The following LIMA1 variants were observed in gnomAD, a reference collection of about 807,000 sequenced individuals.
LIMA1 encodes the protein LIM domain and actin binding 1.
Under a neutral mutation model 62.6 loss-of-function variants are expected in LIMA1, and 52 were observed. The observed-to-expected ratio is 0.83, with a 90% CI of 0.67 to 1.05. The LOEUF is 1.05. LIMA1 is among the 50% of genes least tolerant of loss of function. LIMA1 has a pLI of 0.00. For synonymous variants in LIMA1, 302 were observed against 317.8 expected, an observed-to-expected ratio of 0.95 and a Z score of 0.53; for missense variants, 780 against 902.2, an observed-to-expected ratio of 0.86 and a Z score of 1.74.
intron 10 of LIMA1, among the ~76,000 whole-genome samples, chr12:50,180,830 A>G (rs534302800): frequency 5.9e-5 from 9 of 152,050 alleles, no homozygotes; most frequent in African/African-American, 2.2e-4. Context: ...AAGGTGCTTT[A>G]AGCCAGGCAC....
Position 50,212,824 on chromosome 12 carries a change from AT to A in LIMA1, c.631-6757del, listed in dbSNP as rs955807616. On this transcript the variant is annotated intron_variant, in intron 4 of 10. Transcript: ENST00000341247. Reference sequence around the variant, plus strand: ...TTATATCTTTTTAATTTTATTTTTTATTTTTTTTGAGACAAAGTCTTGCTCT... The same window carrying A: ...TTATATCTTTTTAATTTTATTTTTTATTTTTTTGAGACAAAGTCTTGCTCT... 2.0e-5 allele frequency among the ~76,000 whole-genome samples: 3 copies of A among 151,488 alleles called. No homozygotes were observed. In the East Asian group the frequency reaches 5.9e-4, roughly 30 times the overall value.
At chr12:50,208,252 G>A (rs1279357493) in intron 4 of LIMA1, among the ~76,000 whole-genome samples, 13 of 152,288 alleles carry the variant, frequency 8.5e-5, no homozygotes, top group Admixed American at 2.6e-4. Context: ...TTGGGAGGCC[G>A]AGGCAGAAGG....
Position 50,186,552 on chromosome 12 carries a change from G to A in LIMA1, c.1141-4515C>T, listed in dbSNP as rs1940634833. 3.9e-5 allele frequency: 6 copies of A among 152,520 alleles called. No homozygotes were observed. The South Asian group carries it at 1.2e-3, about 32-fold the overall frequency. The allele number at this position is 152,520 out of a possible 1,614,324, so 9.4% of individuals were successfully genotyped here. A position where few individuals can be genotyped will look rare whatever the true frequency, so the allele number is the denominator to read the frequency against. On this transcript the variant is annotated intron_variant, in intron 9 of 10. Transcript: ENST00000341247. ...CCCTCATAAAGGGGTAGTGCCCAGAGCATAGACAACCCCTCATAAAGATGC... is the reference window on the plus strand; with the variant it reads ...CCCTCATAAAGGGGTAGTGCCCAGAACATAGACAACCCCTCATAAAGATGC...
At chr12:50,200,174 C>T (rs1440649871) in intron 7 of LIMA1, among the ~76,000 whole-genome samples, 2 of 152,012 alleles carry the variant, frequency 1.3e-5, no homozygotes, top group African/African-American at 4.8e-5. Flanking sequence ...GGATTACAGG[C>T]GTGAGCCACC....
At chr12:50,240,779 T>C (rs1941767106) in intron 2 of LIMA1, among the ~76,000 whole-genome samples, 1 of 152,148 alleles carries the variant, frequency 6.6e-6, no homozygotes, top group African/African-American at 2.4e-5. Flanking sequence ...TGCGTGCCCA[T>C]GGATGGTATT....
At chr12:50,253,984 T>C (rs556844033) in intron 1 of LIMA1, among the ~76,000 whole-genome samples, 2 of 139,538 alleles carry the variant, frequency 1.4e-5, no homozygotes, top group Admixed American at 7.9e-5. Context: ...GTCGAGATCA[T>C]GCCATTGCAC....
chr12:50,181,620 G>C (rs1298322999), intron 10 of LIMA1, among the ~76,000 whole-genome samples: 1 of 152,088 alleles, frequency 6.6e-6, no homozygotes, highest in Non-Finnish European at 1.5e-5. Flanking sequence ...GATACCAAGG[G>C]AAAACATTCT....
chr12:50,229,693 T>C (rs1024672439), intron 3 of LIMA1: 2 of 152,088 alleles, frequency 1.3e-5, no homozygotes, highest in South Asian at 4.2e-4. Context: ...TAAAGTATAA[T>C]AATAAAAAAA....
intron 8 of LIMA1, among the ~76,000 whole-genome samples, chr12:50,193,723 G>A (rs1156921575): frequency 7.6e-5 from 10 of 130,940 alleles, no homozygotes; most frequent in Non-Finnish European, 1.4e-4. Flanking sequence ...GGAGTGCAGT[G>A]GCATGATCTC....
At chr12:50,248,502 T>C in intron 2 of LIMA1, 131 bp downstream of exon 2, 2 of 682,494 alleles carry the variant, frequency 2.9e-6, no homozygotes, top group East Asian at 2.5e-5. Context: ...CAGTACCTCA[T>C]ATAGTGTTTA....
chr12:50,197,468 TG>T (rs1940956044), intron 7 of LIMA1, among the ~76,000 whole-genome samples: 1 of 152,166 alleles, frequency 6.6e-6, no homozygotes, highest in African/African-American at 2.4e-5. Flanking sequence ...GCTAAGGGTC[TG>T]AAAAACATTG....
intron 1 of LIMA1, among the ~76,000 whole-genome samples, chr12:50,263,844 A>G (rs973417606): frequency 3.9e-5 from 4 of 102,100 alleles, no homozygotes; most frequent in Non-Finnish European, 7.6e-5. Context: ...GTATATATAT[A>G]TATATATAGA....
intron 1 of LIMA1, 64 bp downstream of exon 1, chr12:50,283,356 G>C (rs1942363345): frequency 6.6e-6 from 1 of 152,436 alleles, no homozygotes; most frequent in Admixed American, 6.5e-5. Flanking sequence ...GAAGGAGAAA[G>C]AGGGTGTGGA....
chr12:50,205,885 GCCACTCTT>G (rs1280128203), intron 5 of LIMA1, 91 bp downstream of exon 5: 2 of 700,656 alleles, frequency 2.9e-6, no homozygotes, highest in Admixed American at 5.0e-5. Context: ...TTTAATTTGT[GCCACTCTT>G]CCTTTAAAAG....
chr12:50,272,616 G>A (rs1403372602), intron 1 of LIMA1, among the ~76,000 whole-genome samples: 2 of 149,416 alleles, frequency 1.3e-5, no homozygotes, highest in Admixed American at 6.7e-5. Flanking sequence ...AAAAATCTGA[G>A]CAGCTACCAC....
At chr12:50,282,038 A>C (rs1234125008) in intron 1 of LIMA1, among the ~76,000 whole-genome samples, 1 of 152,226 alleles carries the variant, frequency 6.6e-6, no homozygotes, top group East Asian at 1.9e-4. Flanking sequence ...ATAAGTTCCT[A>C]AACTAATTAC....
At chr12:50,278,837 T>C (rs1942304504) in intron 1 of LIMA1, among the ~76,000 whole-genome samples, 1 of 152,080 alleles carries the variant, frequency 6.6e-6, no homozygotes, top group African/African-American at 2.4e-5. Flanking sequence ...ACTGCAACAG[T>C]ATGAGTTCAA....
chr12:50,218,870 CA>C (rs1262524928), intron 4 of LIMA1, among the ~76,000 whole-genome samples: 1 of 136,890 alleles, frequency 7.3e-6, no homozygotes, highest in Non-Finnish European at 1.5e-5. Context: ...CCAGCCTGGG[CA>C]ACAGAGTTAA....
chr12:50,185,085 C>A (rs1217123154), intron 9 of LIMA1, among the ~76,000 whole-genome samples: 2 of 152,190 alleles, frequency 1.3e-5, no homozygotes, highest in African/African-American at 2.4e-5. Context: ...CCACCTTGGC[C>A]TCCCAAAGTG....
Sources: gnomAD v4.1 joint callset for allele counts (sites outside exome capture counted in the v4.1 genomes callset) on GRCh38, gnomAD v4.1.1 for gene constraint, MANE v1.5 for transcripts, NCBI Gene and HGNC (gene_info 2026-07-23, HGNC 2026-07-21) for gene names.